The following KCNJ6 variants were observed in gnomAD, a reference collection of about 807,000 sequenced individuals.
The protein encoded by KCNJ6 is G protein-activated inward rectifier potassium channel 2.
Under a neutral mutation model 34.2 loss-of-function variants are expected in KCNJ6, and 9 were observed. The observed-to-expected ratio is 0.26, with a 90% CI of 0.16 to 0.46. The LOEUF (loss-of-function observed/expected upper bound fraction) is 0.46, where lower values mean the gene tolerates loss of function less well. KCNJ6 is among the 20% of genes least tolerant of loss of function. The probability of loss-of-function intolerance (pLI) is 1.00; values close to 1 mark genes in which losing one functional copy is unlikely to be tolerated. For missense variants in KCNJ6, 236 were observed against 531.3 expected (o/e 0.44, Z 5.46); for synonymous variants, 196 against 207.1 (o/e 0.95, Z 0.46).
rs2054660199 is a variant in KCNJ6 at position 37,695,608 on chromosome 21, G to A, written c.946+18603C>T. 6.6e-6 allele frequency among the ~76,000 whole-genome samples: 1 copy of A among 152,178 alleles called. No individual in the cohort carries two copies. Among genetic ancestry groups the A allele is most frequent in the Admixed American group, 6.5e-5 (1 of 15,280 alleles). Reference sequence around the variant, plus strand: ...GTAAGTATTGGAGTGAGGAGCTTGGGATTTCTCCCTGACAGTTTCTGGAAG... The same window carrying A: ...GTAAGTATTGGAGTGAGGAGCTTGGAATTTCTCCCTGACAGTTTCTGGAAG... On this transcript the variant is annotated intron_variant, in intron 3 of 3. Transcript: ENST00000609713. The surrounding 1 kb of genome is among the most constrained non-coding windows in gnomAD (Gnocchi z 4.2).
intron 1 of KCNJ6, among the ~76,000 whole-genome samples, chr21:37,903,652 C>T (rs1269704774): frequency 2.6e-5 from 4 of 152,014 alleles, no homozygotes; most frequent in Admixed American, 6.6e-5. Flanking sequence ...CAGGGCTCCT[C>T]ACTCTATTTA....
At chr21:37,638,922 C>T (rs527496980) in intron 3 of KCNJ6, among the ~76,000 whole-genome samples, 12 of 152,200 alleles carry the variant, frequency 7.9e-5, no homozygotes, top group Non-Finnish European at 1.6e-4. Context: ...AAAACACTTT[C>T]GGAACGGTCA....
At chr21:37,688,021 CCTT>C (rs1175971262) in intron 3 of KCNJ6, among the ~76,000 whole-genome samples, 2 of 152,122 alleles carry the variant, frequency 1.3e-5, no homozygotes, top group African/African-American at 4.8e-5. Flanking sequence ...TGGAAGGTGT[CCTT>C]CTTATCTGAC....
chr21:37,702,937 G>T (rs757017061), intron 3 of KCNJ6, among the ~76,000 whole-genome samples: 1 of 152,118 alleles, frequency 6.6e-6, no homozygotes, highest in Non-Finnish European at 1.5e-5. Flanking sequence ...GGATCTGGCG[G>T]GATGGACGTT....
At chr21:37,707,477 A>G (rs1015236142) in intron 3 of KCNJ6, among the ~76,000 whole-genome samples, 3 of 152,108 alleles carry the variant, frequency 2.0e-5, no homozygotes, top group African/African-American at 7.2e-5. Context: ...AGACAGACAG[A>G]GGTTACGTAA....
chr21:37,750,378 G>C (rs1046288507), intron 2 of KCNJ6, among the ~76,000 whole-genome samples: 6 of 152,020 alleles, frequency 3.9e-5, no homozygotes, highest in Non-Finnish European at 8.8e-5. Flanking sequence ...CCCATTACTG[G>C]GTATATACCC....
chr21:37,718,013 A>G (rs2054803026), intron 2 of KCNJ6, among the ~76,000 whole-genome samples: 1 of 152,184 alleles, frequency 6.6e-6, no homozygotes, highest in African/African-American at 2.4e-5. Context: ...AGTGCTCTGG[A>G]AAGTCTGGGG....
chr21:37,713,160 G>A (rs1303812519), intron 3 of KCNJ6, among the ~76,000 whole-genome samples: 3 of 152,096 alleles, frequency 2.0e-5, no homozygotes, highest in Non-Finnish European at 2.9e-5. Flanking sequence ...TTCCCTAAAA[G>A]GGATCACAGG....
chr21:37,891,080 A>G (rs1322564340), intron 1 of KCNJ6, among the ~76,000 whole-genome samples: 2 of 152,174 alleles, frequency 1.3e-5, no homozygotes, highest in African/African-American at 2.4e-5. Context: ...TCACCTACCT[A>G]TCTCAGAAAG....
At chr21:37,854,267 A>T (rs981140251) in intron 1 of KCNJ6, among the ~76,000 whole-genome samples, 4 of 152,160 alleles carry the variant, frequency 2.6e-5, no homozygotes, top group Admixed American at 6.5e-5. Flanking sequence ...GCATTAATTT[A>T]AAAAAAGTAT....
At chr21:37,765,183 T>C (rs1346085427) in intron 2 of KCNJ6, among the ~76,000 whole-genome samples, 1 of 152,254 alleles carries the variant, frequency 6.6e-6, no homozygotes, top group Non-Finnish European at 1.5e-5. Flanking sequence ...TTCCGTCTGT[T>C]GTGTCTGCAT....
chr21:37,707,120 G>A (rs2054724265), intron 3 of KCNJ6, among the ~76,000 whole-genome samples: 1 of 130,282 alleles, frequency 7.7e-6, no homozygotes, highest in Non-Finnish European at 1.7e-5. Context: ...TACCCGGGCA[G>A]AGGCCAGGCT....
intron 2 of KCNJ6, among the ~76,000 whole-genome samples, chr21:37,773,524 C>A (rs1473836764): frequency 6.6e-6 from 1 of 152,144 alleles, no homozygotes. Flanking sequence ...TCCCCCTTTC[C>A]TCCCCAGACA....
chr21:37,868,236 A>G (rs115172747), intron 1 of KCNJ6, among the ~76,000 whole-genome samples: 3 of 152,216 alleles, frequency 2.0e-5, no homozygotes, highest in Non-Finnish European at 4.4e-5. Flanking sequence ...ATTAATATAC[A>G]TGACTACAGC....
intron 2 of KCNJ6, among the ~76,000 whole-genome samples, chr21:37,757,496 G>A (rs1469010760): frequency 3.4e-5 from 5 of 147,132 alleles, no homozygotes; most frequent in African/African-American, 1.3e-4. Context: ...ATTCCAGCCT[G>A]GAGTGAGCAC....
chr21:37,661,614 G>GTTCTTTTTTTTTTTTTTT lies in KCNJ6; in HGVS notation c.947-36131_947-36130insAAAAAAAAAAAAAAAGAA, dbSNP rs766622814. ...TCCACCCATTTCCTTAAGAGACATA[G>GTTCTTTTTTTTTTTTTTT]TTTTTTTTTTTTTTTTTTTTTTTTT... On this transcript the variant is annotated intron_variant, in intron 3 of 3. Transcript: ENST00000609713. Among the ~76,000 whole-genome samples the GTTCTTTTTTTTTTTTTTT allele has an allele frequency of 7.0e-5, 5 of 71,172 alleles. 2 individuals carry two copies. Among genetic ancestry groups the GTTCTTTTTTTTTTTTTTT allele is most frequent in the African/African-American group, 2.7e-4 (5 of 18,670 alleles). The allele number at this position is 71,172 out of a possible 152,430, so 46.7% of individuals were successfully genotyped here.
intron 3 of KCNJ6, among the ~76,000 whole-genome samples, chr21:37,699,000 AT>A (rs1285114314): frequency 2.6e-5 from 4 of 152,092 alleles, no homozygotes; most frequent in Non-Finnish European, 5.9e-5. Context: ...CACCTGGCTA[AT>A]TTTGCCATTT....
intron 3 of KCNJ6, among the ~76,000 whole-genome samples, chr21:37,688,758 T>C (rs1048810273): frequency 6.6e-6 from 1 of 152,228 alleles, no homozygotes; most frequent in Admixed American, 6.5e-5. Flanking sequence ...TCTTCCATGA[T>C]GGTTGGTTGG....
At chr21:37,806,870 GCATT>G (rs1330956094) in intron 2 of KCNJ6, among the ~76,000 whole-genome samples, 3 of 152,060 alleles carry the variant, frequency 2.0e-5, no homozygotes. Context: ...GGAATTTTTT[GCATT>G]CAGTTTTTTT....
Sources: gnomAD v4.1 joint callset for allele counts (sites outside exome capture counted in the v4.1 genomes callset) on GRCh38, gnomAD v4.1.1 for gene constraint, Gnocchi (gnomAD v3.1) non-coding constraint, MANE v1.5 for transcripts, NCBI Gene and HGNC (gene_info 2026-07-23, HGNC 2026-07-21) for gene names.